Variants in DAB1 observed in about 807,000 individuals in gnomAD.
DAB1 encodes the protein disabled homolog 1.
A neutral mutation model predicts 64.6 loss-of-function variants in DAB1; 15 were observed. That is an observed-to-expected ratio of 0.23 (90% CI 0.16 to 0.36). DAB1 has a LOEUF of 0.36. Among genes scored for constraint, DAB1 ranks in the 10% least tolerant of loss-of-function variants. DAB1 has a pLI of 1.00. For synonymous variants in DAB1, 235 were observed against 251.9 expected (o/e 0.93, Z 0.64); for missense variants, 596 against 706.7 (o/e 0.84, Z 1.78).
chr1:57,097,075 C>A (rs968663998), intron 4 of DAB1, among the ~76,000 whole-genome samples: 32 of 152,094 alleles, frequency 2.1e-4, no homozygotes, highest in Non-Finnish European at 2.4e-4. Context: ...TAGTATCTAG[C>A]AATGAGTGTT....
At chr1:58,229,056 T>C in intron 4 of DAB1, 1 of 279,502 alleles carries the variant, frequency 3.6e-6, no homozygotes, top group South Asian at 4.7e-5. Context: ...AACCTTGAAC[T>C]CCCAGGCTCA....
At chr1:58,426,125 G>T (rs2100230942) in intron 3 of DAB1, among the ~76,000 whole-genome samples, 1 of 152,258 alleles carries the variant, frequency 6.6e-6, no homozygotes, top group African/African-American at 2.4e-5. Flanking sequence ...CTCCTGGAGA[G>T]ATTATTATTA....
intron 7 of DAB1, among the ~76,000 whole-genome samples, chr1:57,470,340 C>T (rs1255115858): frequency 1.3e-5 from 2 of 152,196 alleles, no homozygotes; most frequent in Non-Finnish European, 1.5e-5. Flanking sequence ...ATTTTACTTC[C>T]TCACAGTTCT....
At chr1:58,316,602 G>A (rs1662563630) in intron 4 of DAB1, among the ~76,000 whole-genome samples, 1 of 152,074 alleles carries the variant, frequency 6.6e-6, no homozygotes, top group Admixed American at 6.6e-5. Context: ...GGGAGAAGAG[G>A]GGGATGCTGA....
intron 4 of DAB1, among the ~76,000 whole-genome samples, chr1:58,294,713 C>G (rs1661927857): frequency 2.6e-5 from 4 of 152,104 alleles, no homozygotes; most frequent in Admixed American, 2.0e-4. Flanking sequence ...AGTGGGGAAG[C>G]CTTCTCTAAA....
At chr1:57,964,683 G>A (rs1218500853) in intron 5 of DAB1, among the ~76,000 whole-genome samples, 1 of 152,154 alleles carries the variant, frequency 6.6e-6, no homozygotes, top group Non-Finnish European at 1.5e-5. Context: ...CTTATTCAAT[G>A]GCTTTCCTGT....
intron 5 of DAB1, chr1:58,056,429 C>A (rs746411167): frequency 9.0e-6 from 14 of 1,551,830 alleles, no homozygotes; most frequent in Non-Finnish European, 1.2e-5. Context: ...ATAGGCTGCA[C>A]GTGGCCGCGG....
intron 1 of DAB1, among the ~76,000 whole-genome samples, chr1:57,370,934 A>C (rs1389358044): frequency 6.6e-6 from 1 of 152,262 alleles, no homozygotes; most frequent in Admixed American, 6.5e-5. Context: ...GTGCTGCTTC[A>C]GCATAAATCT....
intron 7 of DAB1, among the ~76,000 whole-genome samples, chr1:57,609,282 T>G (rs541166635): frequency 6.6e-6 from 1 of 152,344 alleles, no homozygotes; most frequent in South Asian, 2.1e-4. Flanking sequence ...GTACTGAACA[T>G]ATGCAGACTT....
At chr1:57,636,918 T>A (rs1524708) in intron 7 of DAB1, among the ~76,000 whole-genome samples, 73,009 of 151,974 alleles carry the variant, frequency 0.48, 18,499 homozygotes, top group East Asian at 0.69. Flanking sequence ...TAAATATGGA[T>A]AAATATGGAT....
In DAB1 at chr1:57,982,163, C is replaced by A. The variant is rs150062585; in HGVS notation, n.388-98001G>T. The stretch of plus-strand genomic sequence containing the variant: ...AGGTGAAGTGGTTTTATCCTGGTGG[C>A]CTATTTGAGTTAGATTTAACTCTTT... On this transcript the variant is annotated intron_variant and non_coding_transcript_variant, in intron 5 of 20. Transcript: ENST00000485760. Among the ~76,000 whole-genome samples the A allele has an allele frequency of 1.0e-3, 156 of 152,188 alleles. 1 individual carries two copies. In the East Asian group the frequency reaches 0.018, roughly 18 times the overall value.
chr1:58,483,508 A>G (rs1645524464), intron 3 of DAB1, among the ~76,000 whole-genome samples: 1 of 152,044 alleles, frequency 6.6e-6, no homozygotes. Flanking sequence ...ACATTACTTA[A>G]CGTGAAATTC....
At chr1:58,126,690 G>C (rs377521691) in intron 5 of DAB1, among the ~76,000 whole-genome samples, 3 of 144,240 alleles carry the variant, frequency 2.1e-5, no homozygotes, top group Non-Finnish European at 4.5e-5. Flanking sequence ...TTCCCACCTA[G>C]GAGTGAGAAT....
chr1:58,036,579 A>G (rs1647048191), intron 5 of DAB1, among the ~76,000 whole-genome samples: 1 of 152,210 alleles, frequency 6.6e-6, no homozygotes, highest in African/African-American at 2.4e-5. Flanking sequence ...TATCATCATA[A>G]CAGTAGTATT....
chr1:57,246,237 G>A (rs2100498603), intron 2 of DAB1, among the ~76,000 whole-genome samples: 1 of 152,112 alleles, frequency 6.6e-6, no homozygotes, highest in East Asian at 1.9e-4. Flanking sequence ...GAGAAAAATG[G>A]TTTCATGGGC....
intron 5 of DAB1, among the ~76,000 whole-genome samples, chr1:58,019,721 T>C (rs1307726110): frequency 6.6e-6 from 1 of 152,180 alleles, no homozygotes; most frequent in Non-Finnish European, 1.5e-5. Context: ...TTTCTTACTA[T>C]ATTACTTTTG....
chr1:57,880,412 A>G (rs1465936512), intron 1 of DAB1: 1 of 152,088 alleles, frequency 6.6e-6, no homozygotes, highest in East Asian at 1.9e-4. Flanking sequence ...ATTTTCATAC[A>G]CTGTCATTCC....
intron 1 of DAB1, chr1:57,867,481 T>G (rs1475159012): frequency 6.6e-6 from 1 of 152,166 alleles, no homozygotes; most frequent in African/African-American, 2.4e-5. Flanking sequence ...CCTTTTCTTC[T>G]TCCCTTAATA....
intron 1 of DAB1, among the ~76,000 whole-genome samples, chr1:57,875,429 C>G (rs1644028197): frequency 6.6e-6 from 1 of 152,186 alleles, no homozygotes. Context: ...TTCATTCATT[C>G]ATCCACTCAT....
Sources: allele counts gnomAD v4.1 joint callset (sites outside exome capture counted in the v4.1 genomes callset), GRCh38; gene constraint gnomAD v4.1.1; transcripts MANE v1.5; gene names NCBI Gene and HGNC (gene_info 2026-07-23, HGNC 2026-07-21).